Variants in PGAP6 observed in about 807,000 individuals in gnomAD.
The protein encoded by PGAP6 is post-GPI attachment to proteins 6.
Under a neutral mutation model 68.4 loss-of-function variants are expected in PGAP6, and 62 were observed. That is an observed-to-expected ratio of 0.91 (90% CI 0.74 to 1.12). PGAP6 has a LOEUF of 1.12. Among genes scored for constraint, PGAP6 ranks in the 50% most tolerant of loss-of-function variants. The pLI is 0.00. For synonymous variants in PGAP6, 575 were observed against 474.0 expected (o/e 1.21, Z -2.77); for missense variants, 1,188 against 1,068.5 (o/e 1.11, Z -1.56).
chr16:385,197 A>G (rs1346541118), upstream of PGAP6, among the ~76,000 whole-genome samples: 1 of 151,926 alleles, frequency 6.6e-6, no homozygotes, highest in African/African-American at 2.4e-5. Flanking sequence ...GGAGAACACT[A>G]AGGCCTAGAG....
At position 371,257 on chromosome 16, in the gene PGAP6, GA is replaced by G. The variant is rs1567321309; in HGVS notation, c.*729del. On this transcript the variant is annotated 3_prime_UTR_variant, in exon 13 of 13. Transcript: ENST00000431232. ...TCCTGGGACCAAGAGGAAGCTCCCA[GA>G]GGGGGGCCCAGGAACGCTGGGGTGG... The G allele has an allele frequency of 6.6e-6, 1 of 152,500 alleles. No homozygotes were observed. Among genetic ancestry groups the G allele is most frequent in the African/African-American group, 2.4e-5 (1 of 41,460 alleles). 9.4% of individuals were successfully genotyped at this position (152,500 alleles called of 1,614,324 possible). A position where few individuals can be genotyped will look rare whatever the true frequency, so the allele number is the denominator to read the frequency against.
At chr16:372,558 G>A in intron 12 of PGAP6, 53 bp downstream of exon 12, 2 of 1,403,852 alleles carry the variant, frequency 1.4e-6, no homozygotes, top group East Asian at 2.3e-5. Flanking sequence ...CAAGGGGCCA[G>A]GCTCTCTTCT....
rs1442724744 is a variant in PGAP6, at chr16:377,444, G to A, written c.441C>T (p.His147=). Residue 147 remains histidine (H), a synonymous_variant, in exon 3 of 13, where the codon CAC becomes CAT. Transcript: ENST00000431232. ...PRSNASVNVS[H]PAPGDWFVAA... ...CCACGAACCAGTCCCCGGGGGCCGG[G>A]TGGGAAACGTTGACGGAGGCATTGC... 1 of 1,610,732 alleles carries A rather than the reference G, an allele frequency of 6.2e-7. No individual in the cohort carries two copies. The highest frequency in any genetic ancestry group is 1.3e-5 in the African/African-American group (1 of 74,890).
Position 374,739 on chromosome 16 carries a change from G to A in PGAP6, c.1576+17C>T, listed in dbSNP as rs763549760. 26 of 1,611,728 alleles carry A rather than the reference G, an allele frequency of 1.6e-5. No homozygotes were observed. Among genetic ancestry groups the A allele is most frequent in the Middle Eastern group, 1.7e-4 (1 of 5,778 alleles). ...ACAGCAGCAGCGTCTCGGGGCGGGC[G>A]GGGCCCTGGCACTCACCTGCCTTGC... is the stretch of plus-strand genomic sequence containing the variant. On this transcript the variant is annotated intron_variant, in intron 9 of 12. Transcript: ENST00000431232.
chr16:380,633 C>G (rs1470676658), intron 1 of PGAP6, among the ~76,000 whole-genome samples: 1 of 152,222 alleles, frequency 6.6e-6, no homozygotes, highest in Non-Finnish European at 1.5e-5. Flanking sequence ...TCCCAAAGTG[C>G]GGGATTGCAG....
intron 8 of PGAP6, 25 bp from the exon 9 acceptor site, chr16:374,917 G>A: frequency 1.2e-6 from 2 of 1,612,168 alleles, no homozygotes; most frequent in South Asian, 1.1e-5. Context: ...CCACAGGAAA[G>A]CTGGTGCAGT....
chr16:372,809 C>A, intron 11 of PGAP6, 82 bp from the exon 12 acceptor site: 1 of 985,554 alleles, frequency 1.0e-6, no homozygotes, highest in Non-Finnish European at 1.5e-6. Flanking sequence ...CACGGCCCCA[C>A]AGCACCTCTG....
chr16:375,149 A>G lies in PGAP6; in HGVS notation c.1423T>C (p.Cys475Arg). 6.2e-7 allele frequency: 1 copy of G among 1,613,434 alleles called. No homozygotes were observed. Among genetic ancestry groups the G allele is most frequent in the East Asian group, 2.2e-5 (1 of 44,890 alleles). The change falls in exon 8 of 13, where the codon TGC (cysteine) becomes CGC (arginine). Residue 475 changes from cysteine (C) to arginine (R), a missense_variant. Transcript: ENST00000431232. The stretch of plus-strand genomic sequence containing the variant: ...TTTACTTACTCAGCATTCTCAGGGC[A>G]CATGAGCTGCAGGGAGAGGTACCAG... ...DNWYLSLQLMCPENAEDCEQA... is the reference protein window; with the variant it reads ...DNWYLSLQLMRPENAEDCEQA...
In PGAP6 at chr16:377,519, C is replaced by A; in HGVS notation, c.366G>T (p.Ala122=). 1 of 1,596,640 alleles carries A rather than the reference C, an allele frequency of 6.3e-7. No individual in the cohort carries two copies. Among genetic ancestry groups the A allele is most frequent in the Non-Finnish European group, 8.5e-7 (1 of 1,172,260 alleles). ...CCCCGACCTGGAAGGAGGGCTGTACCGCGGTGTCGTCCGGGAAGCTGGTGC... is the reference window on the plus strand; with the variant it reads ...CCCCGACCTGGAAGGAGGGCTGTACAGCGGTGTCGTCCGGGAAGCTGGTGC... The part of the protein sequence containing the change: ...PLGTSFPDDT[A]VQPSFQVGVP... The change falls in exon 3 of 13, where the codon GCG becomes GCT. Residue 122 remains alanine, a synonymous_variant. Coordinates refer to ENST00000431232, the MANE Select transcript of PGAP6 (RefSeq NM_021259.3).
intron 1 of PGAP6, among the ~76,000 whole-genome samples, chr16:380,767 G>C (rs1022866619): frequency 6.6e-6 from 1 of 152,048 alleles, no homozygotes; most frequent in Admixed American, 6.6e-5. Context: ...GAAAGAAACA[G>C]GAGCTCAAAG....
upstream of PGAP6, chr16:383,439 C>T (rs1054854380): frequency 2.0e-5 from 3 of 152,258 alleles, no homozygotes; most frequent in African/African-American, 7.2e-5. Flanking sequence ...GGTACGTTCA[C>T]GGAAGTGGCA....
rs764914028 is a variant in PGAP6, at chr16:372,520, T to A, written c.2019+91A>T. On this transcript the variant is annotated intron_variant, in intron 12 of 12. Transcript: ENST00000431232. ...CCAGCAGATATGGGCATTCACTGGT[T>A]GGAGCAGGACCAGGAACGTGGCTAG... 3 of 1,118,634 alleles carry A rather than the reference T, an allele frequency of 2.7e-6. No homozygotes were observed. The South Asian group carries it at 3.8e-5, about 14-fold the overall frequency. 69.3% of individuals were successfully genotyped at this position (1,118,634 alleles called of 1,614,324 possible).
At position 372,124 on chromosome 16, in the gene PGAP6, T is replaced by A. The variant is rs367817846; in HGVS notation, c.2179A>T (p.Ile727Phe). Residue 727 changes from isoleucine (I) to phenylalanine (F), a missense_variant, in exon 13 of 13, where the codon ATC becomes TTC. Coordinates refer to ENST00000431232, the MANE Select transcript of PGAP6 (RefSeq NM_021259.3). ...AAGGCTGCGCTCCCGGCCAGCAGGA[T>A]GTGCCAGATGCTGTGGGTGTAGTAG... ...NYYYTHSIWH[I>F]LLAGSAALLL... 3.7e-6 allele frequency: 6 copies of A among 1,612,650 alleles called. No individual in the cohort carries two copies. Among genetic ancestry groups the A allele is most frequent in the Non-Finnish European group, 4.2e-6 (5 of 1,179,948 alleles).
rs2054359602 is a variant in PGAP6 at position 374,240 on chromosome 16, T to C, written c.1736A>G (p.Tyr579Cys). Residue 579 changes from tyrosine to cysteine, a missense_variant, in exon 10 of 13, where the codon TAC becomes TGC. Coordinates refer to ENST00000431232, the MANE Select transcript of PGAP6 (RefSeq NM_021259.3). ...FFLVEASVYAYTMFFSTFYHA... is the reference protein window; with the variant it reads ...FFLVEASVYACTMFFSTFYHA... Reference sequence around the variant, plus strand: ...GCCTACCGTGGAGAAGAACATGGTGTAGGCGTAGACGGAGGCCTCCACCAG... The same window carrying C: ...GCCTACCGTGGAGAAGAACATGGTGCAGGCGTAGACGGAGGCCTCCACCAG... 4 of 1,609,072 alleles carry C rather than the reference T, an allele frequency of 2.5e-6. No individual in the cohort carries two copies. Among genetic ancestry groups the C allele is most frequent in the African/African-American group, 1.3e-5 (1 of 74,860 alleles).
upstream of PGAP6, chr16:386,937 G>C: frequency 1.7e-6 from 1 of 584,244 alleles, no homozygotes; most frequent in Non-Finnish European, 3.3e-6. Flanking sequence ...GAGGCGGCCT[G>C]AATATCCTTG....
chr16:377,271 G>C (rs937208241), intron 3 of PGAP6, 107 bp from the exon 4 acceptor site: 7 of 1,584,902 alleles, frequency 4.4e-6, no homozygotes, highest in Non-Finnish European at 6.0e-6. Flanking sequence ...TGGCCCCAGA[G>C]TGCAGCGTGG....
In PGAP6 at chr16:377,806, C is replaced by T. The variant is rs866803966; in HGVS notation, c.164G>A (p.Arg55Lys). 4.4e-6 allele frequency: 7 copies of T among 1,575,368 alleles called. No homozygotes were observed. Among genetic ancestry groups the T allele is most frequent in the Non-Finnish European group, 6.0e-6 (7 of 1,161,094 alleles). Residue 55 changes from arginine to lysine, a missense_variant, in exon 2 of 13, where the codon AGG (arginine) becomes AAG (lysine). Arg to Lys is a conservative substitution (Grantham distance 26). Coordinates refer to ENST00000431232, the MANE Select transcript of PGAP6 (RefSeq NM_021259.3). ...GCCGTACCAGCTGTAGAAGGACAGC[C>T]TCTGCGGGGCCTGCGAGAAGTGCTC... The part of the protein sequence containing the change: ...VSEHFSQAPQ[R>K]LSFYSWYGSA...
At chr16:374,455 C>T (rs2054363010) in intron 9 of PGAP6, 56 bp from the exon 10 acceptor site, 1 of 1,479,066 alleles carries the variant, frequency 6.8e-7, no homozygotes, top group Non-Finnish European at 9.0e-7. Flanking sequence ...CCTCAGGGCC[C>T]ACCCCTCACC....
Position 381,846 on chromosome 16 carries a change from C to A in PGAP6, c.-25G>T, listed in dbSNP as rs2141768391. 2 of 998,130 alleles carry A rather than the reference C, an allele frequency of 2.0e-6. No homozygotes were observed. Among genetic ancestry groups the A allele is most frequent in the South Asian group, 9.0e-5 (2 of 22,200 alleles). 61.8% of individuals were successfully genotyped at this position (998,130 alleles called of 1,614,324 possible). A position where few individuals can be genotyped will look rare whatever the true frequency, so the allele number is the denominator to read the frequency against. ...TGGCTCCGCGCTCGGCCCGGCGCTA[C>A]CCGGCCCGCGTCCCGCGCCGCCGGC... On this transcript the variant is annotated 5_prime_UTR_variant, in exon 1 of 13. Coordinates refer to ENST00000431232, the MANE Select transcript of PGAP6 (RefSeq NM_021259.3).
Sources: allele counts gnomAD v4.1 joint callset (sites outside exome capture counted in the v4.1 genomes callset), GRCh38; gene constraint gnomAD v4.1.1; transcripts MANE v1.5; gene names NCBI Gene and HGNC (gene_info 2026-07-23, HGNC 2026-07-21).